Variants in SGK1 observed in about 807,000 individuals in gnomAD.
The protein encoded by SGK1 is serum/glucocorticoid regulated kinase 1.
A neutral mutation model predicts 64.2 loss-of-function variants in SGK1; 26 were observed. The observed-to-expected ratio is 0.40, with a 90% CI of 0.30 to 0.56. The LOEUF (loss-of-function observed/expected upper bound fraction) is 0.56, where lower values mean the gene tolerates loss of function less well. Ranked by LOEUF, SGK1 falls within the 20% of genes least tolerant of loss-of-function variation. The pLI, the probability that SGK1 is intolerant of heterozygous loss-of-function variation, is 0.38. For missense variants in SGK1, 519 were observed against 645.6 expected, an observed-to-expected ratio of 0.80 and a Z score of 2.12; for synonymous variants, 265 against 239.7, an observed-to-expected ratio of 1.11 and a Z score of -0.98.
intron 1 of SGK1, among the ~76,000 whole-genome samples, chr6:134,273,475 C>G (rs1776971503): frequency 6.7e-6 from 1 of 148,374 alleles, no homozygotes; most frequent in Non-Finnish European, 1.5e-5. Flanking sequence ...CGCCTGTAGT[C>G]CCAGCTACTT....
intron 2 of SGK1, among the ~76,000 whole-genome samples, chr6:134,228,859 T>G (rs2114710592): frequency 6.7e-6 from 1 of 149,362 alleles, no homozygotes; most frequent in East Asian, 1.9e-4. Flanking sequence ...TTTTTTTTTT[T>G]TTGAGACGGA....
chr6:134,283,635 C>G (rs1439770633), intron 1 of SGK1, among the ~76,000 whole-genome samples: 2 of 151,764 alleles, frequency 1.3e-5, no homozygotes, highest in Non-Finnish European at 2.9e-5. Flanking sequence ...ATCATTTGAG[C>G]CTGGGAGTTT....
Position 134,262,085 on chromosome 6 carries a change from A to T in SGK1, c.133T>A (p.Tyr45Asn), listed in dbSNP as rs766054889. Residue 45 changes from tyrosine (Y) to asparagine (N), a missense_variant, in exon 2 of 14, where the codon TAC becomes AAC. Tyr to Asn is a moderately radical substitution (Grantham distance 143). Coordinates refer to ENST00000367858, the MANE Select transcript of SGK1 (RefSeq NM_001143676.3). ...ATGTGCACCATGGAGGAGCCGGTGT[A>T]CTTCAGGCTGGGACTCTGATGCTTG... is the stretch of plus-strand genomic sequence containing the variant. ...VDKHQSPSLK[Y>N]TGSSMVHIPP... The T allele has an allele frequency of 6.2e-7, 1 of 1,613,006 alleles. No homozygotes were observed. The highest frequency in any genetic ancestry group is 8.5e-7 in the Non-Finnish European group (1 of 1,179,052).
rs1457686355 is a variant in SGK1 at position 134,317,781 on chromosome 6, C to A, written c.-321G>T. ...GGGAGATGCTGTGGCTCTTACCGAG[C>A]GGGAGAAGGGTACGCCTCCCCGCCC... On this transcript the variant is annotated 5_prime_UTR_variant, in exon 1 of 14. Transcript: ENST00000367858. 1 of 272,208 alleles carries A rather than the reference C, an allele frequency of 3.7e-6. No individual in the cohort carries two copies. The highest frequency in any genetic ancestry group is 6.9e-5 in the East Asian group (1 of 14,432). 16.9% of individuals were successfully genotyped at this position (272,208 alleles called of 1,614,324 possible).
In SGK1 at chr6:134,199,320, A is replaced by G. The variant is rs370275348; in HGVS notation, c.361+8036T>C. On this transcript the variant is annotated intron_variant, in intron 3 of 13. Coordinates refer to ENST00000367858, the MANE Select transcript of SGK1 (RefSeq NM_001143676.3). ...ACGCCTGTAATCTCAGCACTTTGGG[A>G]GGCCAAGGCAGGCAGATCACTTGAG... is the stretch of plus-strand genomic sequence containing the variant. 2.0e-5 allele frequency among the ~76,000 whole-genome samples: 3 copies of G among 152,274 alleles called. No homozygotes were observed. In the East Asian group the frequency reaches 5.8e-4, roughly 29 times the overall value.
chr6:134,172,516 A>AAG lies in SGK1; in HGVS notation c.947+144_947+145dup. 5.2e-6 allele frequency: 4 copies of AAG among 774,256 alleles called. No homozygotes were observed. The South Asian group carries it at 7.2e-5, about 14-fold the overall frequency. 48.0% of individuals were successfully genotyped at this position (774,256 alleles called of 1,614,324 possible). A position where few individuals can be genotyped will look rare whatever the true frequency, so the allele number is the denominator to read the frequency against. On this transcript the variant is annotated intron_variant, in intron 9 of 13. Coordinates refer to ENST00000367858, the MANE Select transcript of SGK1 (RefSeq NM_001143676.3). ...CTTGGCTGGTTCCCCCTTGGCACTTAAGTCAAGCCAGCTCACGTGCTAGGG... is the reference window on the plus strand; with the variant it reads ...CTTGGCTGGTTCCCCCTTGGCACTTAAGAGTCAAGCCAGCTCACGTGCTAGGG...
intron 3 of SGK1, among the ~76,000 whole-genome samples, chr6:134,190,033 A>G (rs1775483616): frequency 6.6e-6 from 1 of 152,032 alleles, no homozygotes; most frequent in Admixed American, 6.6e-5. Flanking sequence ...TATTTTTAGT[A>G]GAGACATGGT....
intron 1 of SGK1, among the ~76,000 whole-genome samples, chr6:134,296,209 C>T (rs1462925744): frequency 6.6e-6 from 1 of 152,198 alleles, no homozygotes; most frequent in Non-Finnish European, 1.5e-5. Context: ...CACCAGCATT[C>T]CTGAGTTGTG....
intron 2 of SGK1, among the ~76,000 whole-genome samples, chr6:134,210,811 CAAAA>C (rs60820086): frequency 3.5e-4 from 18 of 50,810 alleles, no homozygotes; most frequent in African/African-American, 1.1e-3. Context: ...GACTCCGTCT[CAAAA>C]AAAAAAAAAA....
intron 2 of SGK1, among the ~76,000 whole-genome samples, chr6:134,244,965 G>A (rs916660136): frequency 1.8e-4 from 28 of 152,184 alleles, no homozygotes; most frequent in African/African-American, 6.3e-4. Context: ...TAGTAGAGAC[G>A]GGGTTTCGCC....
chr6:134,273,320 G>C (rs1776967850), intron 1 of SGK1, among the ~76,000 whole-genome samples: 1 of 147,166 alleles, frequency 6.8e-6, no homozygotes. Flanking sequence ...TGATGGTTAA[G>C]TTGAATCTTA....
chr6:134,294,776 C>T (rs6940881), intron 1 of SGK1, among the ~76,000 whole-genome samples: 19,595 of 152,118 alleles, frequency 0.13, 1,530 homozygotes, highest in African/African-American at 0.22. Context: ...GATCCTCCCC[C>T]CTTGGCCTCC....
chr6:134,241,068 G>A (rs535581378), intron 2 of SGK1, among the ~76,000 whole-genome samples: 3 of 83,290 alleles, frequency 3.6e-5, no homozygotes, highest in African/African-American at 2.8e-4. Context: ...TTTTTTTTTT[G>A]AGACAGGGTC....
rs1474495872 is a variant in SGK1 at position 134,262,072 on chromosome 6, G to C, written c.146C>G (p.Ser49Cys). The change falls in exon 2 of 14, where the codon TCC becomes TGC. Residue 49 changes from serine to cysteine, a missense_variant. Ser to Cys is a moderately radical substitution (Grantham distance 112, BLOSUM62 -1). Around this residue, in one of 2 missense-constraint regions of SGK1, gnomAD observed 241 missense variants for 236.9 expected, o/e 1.02. Transcript: ENST00000367858. ...CTCCCCTGGAGGGATGTGCACCATG[G>C]AGGAGCCGGTGTACTTCAGGCTGGG... The part of the protein sequence containing the change: ...QSPSLKYTGS[S>C]MVHIPPGEPD... 2 of 1,613,778 alleles carry C rather than the reference G, an allele frequency of 1.2e-6. No homozygotes were observed. Among genetic ancestry groups the C allele is most frequent in the Non-Finnish European group, 1.7e-6 (2 of 1,179,660 alleles).
chr6:134,246,400 G>A (rs751858891), intron 2 of SGK1, among the ~76,000 whole-genome samples: 38 of 150,142 alleles, frequency 2.5e-4, no homozygotes, highest in South Asian at 8.4e-4. Context: ...CAGGTGATCT[G>A]CCCACCTCAA....
chr6:134,178,401 G>A (rs1426819279), intron 3 of SGK1, among the ~76,000 whole-genome samples: 1 of 152,124 alleles, frequency 6.6e-6, no homozygotes, highest in East Asian at 1.9e-4. Flanking sequence ...GGTGACACAC[G>A]GCGGAGGGGT....
chr6:134,169,549 T>A lies in SGK1; in HGVS notation c.*719A>T, dbSNP rs1774939533. The A allele has an allele frequency of 6.6e-6, 1 of 152,476 alleles. No individual in the cohort carries two copies. The highest frequency in any genetic ancestry group is 1.5e-5 in the Non-Finnish European group (1 of 67,998). The allele number at this position is 152,476 out of a possible 1,614,324, so 9.4% of individuals were successfully genotyped here. On this transcript the variant is annotated 3_prime_UTR_variant, in exon 14 of 14. Coordinates refer to ENST00000367858, the MANE Select transcript of SGK1 (RefSeq NM_001143676.3). ...AATGAAAAACACCAACGGCTCTGACTGACAACTGGGGCATTGGTCCATAAA... is the reference window on the plus strand; with the variant it reads ...AATGAAAAACACCAACGGCTCTGACAGACAACTGGGGCATTGGTCCATAAA...
chr6:134,265,619 CAT>C (rs1554225923), intron 1 of SGK1, among the ~76,000 whole-genome samples: 2,030 of 129,798 alleles, frequency 0.016, 21 homozygotes, highest in African/African-American at 0.04. Flanking sequence ...TATATATATA[CAT>C]ATATATATAT....
rs995006558 is a variant in SGK1, at chr6:134,170,195, G to A, written c.*73C>T. 7.7e-6 allele frequency: 10 copies of A among 1,301,226 alleles called. No individual in the cohort carries two copies. Among genetic ancestry groups the A allele is most frequent in the South Asian group, 1.4e-5 (1 of 70,542 alleles). The allele number at this position is 1,301,226 out of a possible 1,614,324, so 80.6% of individuals were successfully genotyped here. A position where few individuals can be genotyped will look rare whatever the true frequency, so the allele number is the denominator to read the frequency against. ...CTTGTAAGATGTCCTGTCAGCTGGCGGCTCCACCAAAAGGCTAACTAAAAC... is the reference window on the plus strand; with the variant it reads ...CTTGTAAGATGTCCTGTCAGCTGGCAGCTCCACCAAAAGGCTAACTAAAAC... On this transcript the variant is annotated 3_prime_UTR_variant, in exon 14 of 14. Transcript: ENST00000367858.
Sources: gnomAD v4.1 joint callset for allele counts (sites outside exome capture counted in the v4.1 genomes callset) on GRCh38, gnomAD v4.1.1 for gene constraint, gnomAD v4.1.1 regional missense constraint, MANE v1.5 for transcripts, NCBI Gene and HGNC (gene_info 2026-07-23, HGNC 2026-07-21) for gene names.